The following UBR4 variants were observed in gnomAD, a reference collection of about 807,000 sequenced individuals.
UBR4 encodes ubiquitin protein ligase E3 component n-recognin 4, also known as E3 ubiquitin-protein ligase UBR4.
Under a neutral mutation model 575.6 loss-of-function variants are expected in UBR4, and 124 were observed. The observed-to-expected ratio is 0.22, with a 90% confidence interval of 0.19 to 0.25. The LOEUF (loss-of-function observed/expected upper bound fraction) is 0.25, where lower values mean the gene tolerates loss of function less well. Among genes scored for constraint, UBR4 ranks in the 10% least tolerant of loss-of-function variants. The probability of loss-of-function intolerance (pLI) is 1.00; values close to 1 mark genes in which losing one functional copy is unlikely to be tolerated. For synonymous variants in UBR4, 2,455 were observed against 2,473.7 expected (o/e 0.99, Z 0.22); for missense variants, 4,818 against 6,478.8 (o/e 0.74, Z 8.80).
At chr1:19,133,296 C>T (rs555000596) in intron 60 of UBR4, among the ~76,000 whole-genome samples, 1 of 151,880 alleles carries the variant, frequency 6.6e-6, no homozygotes, top group Non-Finnish European at 1.5e-5. Flanking sequence ...GAAGAAAAAC[C>T]ATATAAGTGA....
intron 88 of UBR4, among the ~76,000 whole-genome samples, chr1:19,101,183 C>G (rs1260268745): frequency 6.6e-6 from 1 of 152,174 alleles, no homozygotes; most frequent in Non-Finnish European, 1.5e-5. Flanking sequence ...GTAAAAATAT[C>G]TTTATATTCA....
chr1:19,210,077 C>T lies in UBR4; in HGVS notation c.172G>A (p.Glu58Lys), dbSNP rs761358209. 1 of 1,563,342 alleles carries T rather than the reference C, an allele frequency of 6.4e-7. No individual in the cohort carries two copies. The highest frequency in any genetic ancestry group is 1.2e-5 in the South Asian group (1 of 85,738). The change falls in exon 1 of 106, where the codon GAG becomes AAG. Residue 58 changes from glutamate (E) to lysine (K), a missense_variant. Physicochemically the swap from Glu to Lys is moderately conservative, Grantham distance 56. Transcript: ENST00000375254. Reference sequence around the variant, plus strand: ...GCCAGAGCCGCCGCCCGGTACCTCTCGATGACTGAGGCCACCAGCTGCGGC... The same window carrying T: ...GCCAGAGCCGCCGCCCGGTACCTCTTGATGACTGAGGCCACCAGCTGCGGC... ...ELPQLVASVI[E>K]SESEILHHEK...
At chr1:19,195,495 A>G (rs1173188752) in intron 8 of UBR4, among the ~76,000 whole-genome samples, 5 of 152,122 alleles carry the variant, frequency 3.3e-5, no homozygotes, top group Non-Finnish European at 5.9e-5. Flanking sequence ...ACTGACTTTA[A>G]TCACTTACTG....
In UBR4 at chr1:19,172,846, G is replaced by C. The variant is rs376704859; in HGVS notation, c.3521+18C>G. 1 of 1,611,490 alleles carries C rather than the reference G, an allele frequency of 6.2e-7. No individual in the cohort carries two copies. The highest frequency in any genetic ancestry group is 8.5e-7 in the Non-Finnish European group (1 of 1,177,726). On this transcript the variant is annotated intron_variant, in intron 25 of 105. Coordinates refer to ENST00000375254, the MANE Select transcript of UBR4 (RefSeq NM_020765.3). ...GTGAAGAGTGCATGTGCATCTCTGGGCAGGCAGTTCGCCACACCTGGTGAA... is the reference window on the plus strand; with the variant it reads ...GTGAAGAGTGCATGTGCATCTCTGGCCAGGCAGTTCGCCACACCTGGTGAA...
rs2148765432 is a variant in UBR4 at position 19,088,691 on chromosome 1, C to A, written c.14430+68G>T. On this transcript the variant is annotated intron_variant, in intron 98 of 105. Coordinates refer to ENST00000375254, the MANE Select transcript of UBR4 (RefSeq NM_020765.3). This position sits in a 1 kb window ranked among gnomAD's most constrained non-coding sequence, Gnocchi z 4.0. ...TCTTTCCCCATGGCCAACCCCAGGG[C>A]TGTCCCATGGCCACCTCCTCATCAA... The A allele has an allele frequency of 2.0e-6, 3 of 1,538,094 alleles. No homozygotes were observed. In the Admixed American group the frequency reaches 5.1e-5, roughly 26 times the overall value.
At chr1:19,115,372 G>A in intron 74 of UBR4, 26 bp downstream of exon 74, 2 of 1,611,958 alleles carry the variant, frequency 1.2e-6, no homozygotes, top group Non-Finnish European at 8.5e-7. Flanking sequence ...GCACAGCCCT[G>A]GCCTAGGGGA....
rs551688336 is a variant in UBR4 at position 19,128,268 on chromosome 1, C to T, written c.9054G>A (p.Lys3018=). 1 of 1,614,044 alleles carries T rather than the reference C, an allele frequency of 6.2e-7. No individual in the cohort carries two copies. Among genetic ancestry groups the T allele is most frequent in the African/African-American group, 1.3e-5 (1 of 75,034 alleles). ...GGGAGAGCAGGTTGTCTAGGGCCCCCTTGTCTTTCTCATCTTCTCCATCCA... is the reference window on the plus strand; with the variant it reads ...GGGAGAGCAGGTTGTCTAGGGCCCCTTTGTCTTTCTCATCTTCTCCATCCA... ...TDLDGEDEKD[K]GALDNLLSQL... is the part of the protein sequence containing the mutation. The change falls in exon 62 of 106, where the codon AAG becomes AAA. Residue 3018 remains lysine, a synonymous_variant. Coordinates refer to ENST00000375254, the MANE Select transcript of UBR4 (RefSeq NM_020765.3).
rs2077185476 is a variant in UBR4, at chr1:19,088,065, C to T, written c.14431-136G>A. 1.6e-6 allele frequency: 1 copy of T among 641,034 alleles called. No homozygotes were observed. The highest frequency in any genetic ancestry group is 2.9e-5 in the East Asian group (1 of 34,954). 39.7% of individuals were successfully genotyped at this position (641,034 alleles called of 1,614,324 possible). A position where few individuals can be genotyped will look rare whatever the true frequency, so the allele number is the denominator to read the frequency against. On this transcript the variant is annotated intron_variant, in intron 98 of 105. Coordinates refer to ENST00000375254, the MANE Select transcript of UBR4 (RefSeq NM_020765.3). This position sits in a 1 kb window ranked among gnomAD's most constrained non-coding sequence, Gnocchi z 4.0. ...GGTGCATGAGAGGAAAGCCCTTGAG[C>T]TGTCTTCTAATAAGGATAAAGACCC...
At chr1:19,148,510 C>G in intron 50 of UBR4, 53 bp downstream of exon 50, 1 of 1,610,596 alleles carries the variant, frequency 6.2e-7, no homozygotes, top group South Asian at 1.1e-5. Context: ...GGCAACTCCA[C>G]TGACTTCCTG....
chr1:19,107,765 A>G (rs2079386879), intron 81 of UBR4, among the ~76,000 whole-genome samples: 1 of 152,122 alleles, frequency 6.6e-6, no homozygotes, highest in Non-Finnish European at 1.5e-5. Context: ...AGCCTGGGTG[A>G]CAGAATGGGA....
intron 55 of UBR4, 112 bp downstream of exon 55, chr1:19,143,868 T>C: frequency 2.2e-6 from 2 of 901,920 alleles, no homozygotes; most frequent in Non-Finnish European, 3.4e-6. Context: ...GACAGATACA[T>C]AAAGTCTCCA....
At chr1:19,094,226 C>T in intron 94 of UBR4, 87 bp from the exon 95 acceptor site, 2 of 994,832 alleles carry the variant, frequency 2.0e-6, no homozygotes, top group Non-Finnish European at 3.0e-6. Context: ...GTCACCACTT[C>T]CATCAGAGTC....
At chr1:19,087,761 A>T in intron 99 of UBR4, 55 bp downstream of exon 99, 1 of 1,454,934 alleles carries the variant, frequency 6.9e-7, no homozygotes, top group Non-Finnish European at 9.5e-7. Context: ...GATGCTACCT[A>T]GAACAAGGGG....
chr1:19,101,330 T>TGTCC (rs1430400736), intron 88 of UBR4, among the ~76,000 whole-genome samples, 190 bp downstream of exon 88: 1 of 152,232 alleles, frequency 6.6e-6, no homozygotes, highest in Non-Finnish European at 1.5e-5. Flanking sequence ...GGTCATTAAA[T>TGTCC]GTCCCATCGT....
rs1169488614 is a variant in UBR4, at chr1:19,155,487, G to A, written c.6254C>T (p.Pro2085Leu). The change falls in exon 43 of 106, where the codon CCC becomes CTC. Residue 2085 changes from proline (P) to leucine (L), a missense_variant. Transcript: ENST00000375254. ...TTCCAACACATTAGTGACATAGAAGGGTCCCTGCTGGGCACTGCTGGCCTC... is the reference window on the plus strand; with the variant it reads ...TTCCAACACATTAGTGACATAGAAGAGTCCCTGCTGGGCACTGCTGGCCTC... ...MEEASSAQQG[P>L]FYVTNVLEIN... 1.9e-6 allele frequency: 3 copies of A among 1,613,980 alleles called. No homozygotes were observed. The highest frequency in any genetic ancestry group is 2.5e-6 in the Non-Finnish European group (3 of 1,180,024).
chr1:19,133,478 G>T (rs899427745), intron 60 of UBR4, among the ~76,000 whole-genome samples: 10 of 152,098 alleles, frequency 6.6e-5, no homozygotes, highest in Non-Finnish European at 7.3e-5. Context: ...CTGAGTTTGG[G>T]AATGAGATAA....
chr1:19,132,602 T>C (rs77226685), intron 60 of UBR4, among the ~76,000 whole-genome samples: 1 of 12,912 alleles, frequency 7.7e-5, no homozygotes, highest in African/African-American at 4.5e-4. Context: ...AAGTAAAAAA[T>C]GGTAAAAAAA....
Position 19,198,637 on chromosome 1 carries a change from C to G in UBR4, c.552G>C (p.Leu184Phe). The change falls in exon 5 of 106, where the codon TTG (leucine) becomes TTC (phenylalanine). Residue 184 changes from leucine to phenylalanine, a missense_variant. Leu to Phe is a conservative substitution (Grantham distance 22). Coordinates refer to ENST00000375254, the MANE Select transcript of UBR4 (RefSeq NM_020765.3). ...AATTCATCTGTACCTCCTTTTGCCT[C>G]AACTCAGGGCTTACTGGTGAGGCCA... ...KELASPVSPE[L>F]RQKEVQMNFL... is the part of the protein sequence containing the mutation. The G allele has an allele frequency of 6.2e-7, 1 of 1,614,148 alleles. No homozygotes were observed. The highest frequency in any genetic ancestry group is 1.1e-5 in the South Asian group (1 of 91,086).
At chr1:19,165,115 T>A in intron 31 of UBR4, 118 bp from the exon 32 acceptor site, 1 of 1,507,358 alleles carries the variant, frequency 6.6e-7, no homozygotes, top group Non-Finnish European at 9.1e-7. Flanking sequence ...TCAACTTCCT[T>A]CCAAACTTTC....
Sources: allele counts gnomAD v4.1 joint callset (sites outside exome capture counted in the v4.1 genomes callset), GRCh38; gene constraint gnomAD v4.1.1; non-coding constraint Gnocchi (gnomAD v3.1); transcripts MANE v1.5; gene names NCBI Gene and HGNC (gene_info 2026-07-23, HGNC 2026-07-21).